Variants in CCBE1 observed in about 807,000 individuals in gnomAD.
CCBE1 encodes collagen and calcium-binding EGF domain-containing protein 1.
CCBE1 carries 37 observed loss-of-function variants against 50.0 expected under a neutral mutation model. The ratio of observed to expected loss-of-function variants is 0.74; its 90% CI spans 0.57 to 0.97. The LOEUF (loss-of-function observed/expected upper bound fraction) is 0.97. Among genes scored for constraint, CCBE1 ranks in the 50% least tolerant of loss-of-function variants. The pLI is 0.00. For synonymous variants in CCBE1, 234 were observed against 203.7 expected (o/e 1.15, Z -1.27); for missense variants, 538 against 523.8 (o/e 1.03, Z -0.26).
intron 2 of CCBE1, among the ~76,000 whole-genome samples, chr18:59,570,906 C>T (rs900208429): frequency 3.9e-4 from 59 of 152,254 alleles, no homozygotes; most frequent in African/African-American, 1.4e-3. Context: ...TTATATGGTC[C>T]CCTAGCAGTG....
intron 2 of CCBE1, among the ~76,000 whole-genome samples, chr18:59,494,364 C>A (rs544479593): frequency 6.6e-6 from 1 of 152,136 alleles, no homozygotes; most frequent in Non-Finnish European, 1.5e-5. Flanking sequence ...TCAGATGATC[C>A]TTAGACAACC....
chr18:59,478,609 C>A (rs655998), intron 3 of CCBE1, among the ~76,000 whole-genome samples: 6 of 152,134 alleles, frequency 3.9e-5, no homozygotes, highest in African/African-American at 7.2e-5. Context: ...AGGGAGACTA[C>A]TTTTAAGGCC....
At chr18:59,545,417 A>T (rs1001557585) in intron 2 of CCBE1, among the ~76,000 whole-genome samples, 1 of 152,178 alleles carries the variant, frequency 6.6e-6, no homozygotes, top group African/African-American at 2.4e-5. Context: ...TTTTGTTTTC[A>T]TGGAAATGGT....
chr18:59,550,998 C>CAAAAAAAAAA lies in CCBE1; in HGVS notation c.213-70770_213-70761dup, dbSNP rs555160847. Among the ~76,000 whole-genome samples the CAAAAAAAAAA allele has an allele frequency of 2.7e-3, 195 of 71,348 alleles. 1 individual carries two copies. Among genetic ancestry groups the CAAAAAAAAAA allele is most frequent in the Non-Finnish European group, 3.7e-3 (145 of 39,028 alleles). The allele number at this position is 71,348 out of a possible 152,430, so 46.8% of individuals were successfully genotyped here. A position where few individuals can be genotyped will look rare whatever the true frequency, so the allele number is the denominator to read the frequency against. On this transcript the variant is annotated intron_variant, in intron 2 of 10. Coordinates refer to ENST00000439986, the MANE Select transcript of CCBE1 (RefSeq NM_133459.4). The stretch of plus-strand genomic sequence containing the variant: ...CCAGCCTGGGCAACACAGCGAGACT[C>CAAAAAAAAAA]AAAAAAAAAAAAAAAAAAAAAAAAA...
chr18:59,616,016 G>A (rs903594213), intron 2 of CCBE1, among the ~76,000 whole-genome samples: 3 of 152,176 alleles, frequency 2.0e-5, no homozygotes, highest in Non-Finnish European at 2.9e-5. Flanking sequence ...AGCTGAGCTC[G>A]GCTGTGGTCC....
At chr18:59,488,466 A>T (rs1447617580) in intron 2 of CCBE1, among the ~76,000 whole-genome samples, 1 of 152,222 alleles carries the variant, frequency 6.6e-6, no homozygotes, top group Non-Finnish European at 1.5e-5. Flanking sequence ...AACTGTTCAA[A>T]TTACAGAAAA....
rs533573607 is a variant in CCBE1 at position 59,622,091 on chromosome 18, C to T, written c.212+74538G>A. Reference sequence around the variant, plus strand: ...TTCAAAGTCCACCTTCTCTCAGCACCTTTTCTGCATCTGCTCACCCAAGTG... The same window carrying T: ...TTCAAAGTCCACCTTCTCTCAGCACTTTTTCTGCATCTGCTCACCCAAGTG... On this transcript the variant is annotated intron_variant, in intron 2 of 10. Coordinates refer to ENST00000439986, the MANE Select transcript of CCBE1 (RefSeq NM_133459.4). Among the ~76,000 whole-genome samples, 19 of 152,328 alleles carry T rather than the reference C, an allele frequency of 1.2e-4. No individual in the cohort carries two copies. The South Asian group carries it at 2.7e-3, about 22-fold the overall frequency.
At chr18:59,693,753 A>C (rs2054768002) in intron 2 of CCBE1, among the ~76,000 whole-genome samples, 1 of 151,390 alleles carries the variant, frequency 6.6e-6, no homozygotes, top group Non-Finnish European at 1.5e-5. Flanking sequence ...TGCACAATAG[A>C]TTCTTAATTA....
intron 2 of CCBE1, among the ~76,000 whole-genome samples, chr18:59,578,809 G>A (rs1374049805): frequency 6.6e-6 from 1 of 152,184 alleles, no homozygotes; most frequent in Non-Finnish European, 1.5e-5. Context: ...GGCTGGGGGT[G>A]GCTAGGGGAG....
chr18:59,613,092 A>G (rs1050928935), intron 2 of CCBE1, among the ~76,000 whole-genome samples: 1 of 152,068 alleles, frequency 6.6e-6, no homozygotes, highest in Admixed American at 6.5e-5. Flanking sequence ...AGTGGGGTGG[A>G]AAGGGCAAAG....
chr18:59,618,186 T>C (rs567129669), intron 2 of CCBE1, among the ~76,000 whole-genome samples: 1 of 152,244 alleles, frequency 6.6e-6, no homozygotes, highest in East Asian at 1.9e-4. Context: ...CGGTGGCTCA[T>C]GCCTGCAACC....
chr18:59,582,350 G>A (rs573314587), intron 2 of CCBE1, among the ~76,000 whole-genome samples: 2 of 152,170 alleles, frequency 1.3e-5, no homozygotes, highest in Admixed American at 6.5e-5. Context: ...TAGGGTCTTA[G>A]ACTTCAGAGG....
intron 2 of CCBE1, among the ~76,000 whole-genome samples, chr18:59,503,944 A>G (rs1913748339): frequency 6.6e-6 from 1 of 152,050 alleles, no homozygotes; most frequent in African/African-American, 2.4e-5. Context: ...CCTTTAGCCC[A>G]TTTGTTTACG....
intron 2 of CCBE1, among the ~76,000 whole-genome samples, chr18:59,630,846 T>C (rs1350011804): frequency 6.6e-6 from 1 of 152,214 alleles, no homozygotes; most frequent in Admixed American, 6.5e-5. Context: ...CTGGCCTCCC[T>C]ACCTAACAAC....
At chr18:59,697,446 G>A, upstream of CCBE1, 11 of 1,438,896 alleles carry the variant, frequency 7.6e-6, no homozygotes, top group East Asian at 2.5e-5. Flanking sequence ...AGGGGGCGCC[G>A]GAGAGCAGGG....
At chr18:59,470,640 C>T (rs1416626532) in intron 3 of CCBE1, among the ~76,000 whole-genome samples, 1 of 152,182 alleles carries the variant, frequency 6.6e-6, no homozygotes, top group Non-Finnish European at 1.5e-5. Context: ...ATCTGCTCCT[C>T]TCAGTTCCTA....
In CCBE1 at chr18:59,612,834, TTG is replaced by T. The variant is rs1568234065; in HGVS notation, c.212+83793_212+83794del. ...TCAAGGGTTTTTTTTTTGTTTTTTTTTGTTTTTGTTTTTGTTTTTTTTAATGT... is the reference window on the plus strand; with the variant it reads ...TCAAGGGTTTTTTTTTTGTTTTTTTTTTTTTGTTTTTGTTTTTTTTAATGT... On this transcript the variant is annotated intron_variant, in intron 2 of 10. Coordinates refer to ENST00000439986, the MANE Select transcript of CCBE1 (RefSeq NM_133459.4). Among the ~76,000 whole-genome samples, 391 of 111,648 alleles carry T rather than the reference TTG, an allele frequency of 3.5e-3. 5 individuals are homozygous for T. The highest frequency in any genetic ancestry group is 0.012 in the African/African-American group (355 of 29,052). 73.2% of individuals were successfully genotyped at this position (111,648 alleles called of 152,430 possible).
intron 2 of CCBE1, among the ~76,000 whole-genome samples, chr18:59,553,223 C>A (rs2851852): frequency 6.6e-5 from 10 of 151,996 alleles, no homozygotes; most frequent in South Asian, 2.1e-4. Context: ...AGAGTTTACC[C>A]TCATTTCATC....
intron 2 of CCBE1, among the ~76,000 whole-genome samples, chr18:59,641,072 T>C (rs2053982241): frequency 6.6e-6 from 1 of 152,204 alleles, no homozygotes; most frequent in Non-Finnish European, 1.5e-5. Flanking sequence ...ATTTAGTGAT[T>C]TCTGAGAGAA....
Sources: gnomAD v4.1 joint callset for allele counts (sites outside exome capture counted in the v4.1 genomes callset) on GRCh38, gnomAD v4.1.1 for gene constraint, MANE v1.5 for transcripts, NCBI Gene and HGNC (gene_info 2026-07-23, HGNC 2026-07-21) for gene names.